Variants in ONECUT1 observed in about 807,000 individuals in gnomAD.
ONECUT1 encodes the protein one cut homeobox 1.
Under a neutral mutation model 25.6 loss-of-function variants are expected in ONECUT1, and 12 were observed. The observed-to-expected ratio is 0.47, with a 90% confidence interval of 0.30 to 0.76. The LOEUF (loss-of-function observed/expected upper bound fraction) is 0.76. ONECUT1 is among the 30% of genes least tolerant of loss of function. ONECUT1 has a pLI of 0.07. For missense variants in ONECUT1, 620 were observed against 651.2 expected, an observed-to-expected ratio of 0.95 and a Z score of 0.52; for synonymous variants, 285 against 270.2, an observed-to-expected ratio of 1.05 and a Z score of -0.54.
intron 1 of ONECUT1, among the ~76,000 whole-genome samples, chr15:52,763,934 T>C (rs2083719967): frequency 2.0e-5 from 3 of 152,340 alleles, no homozygotes; most frequent in Admixed American, 6.5e-5. Flanking sequence ...TCAGGACAGA[T>C]GGAAGTTAGA....
chr15:52,778,400 C>T (rs1193147950), intron 1 of ONECUT1, among the ~76,000 whole-genome samples: 1 of 152,180 alleles, frequency 6.6e-6, no homozygotes, highest in East Asian at 1.9e-4. Flanking sequence ...ACAGTCTTTG[C>T]ATGTCTCTAA....
At position 52,757,823 on chromosome 15, in the gene ONECUT1, T is replaced by A. The variant is rs1385358707; in HGVS notation, c.1130A>T (p.His377Leu). The A allele has an allele frequency of 3.7e-6, 6 of 1,613,580 alleles. No individual in the cohort carries two copies. Among genetic ancestry groups the A allele is most frequent in the Non-Finnish European group, 4.2e-6 (5 of 1,179,740 alleles). The stretch of plus-strand genomic sequence containing the variant: ...GGGTGTGTTGCCTCTATCCTTCCCA[T>A]GTTCTTGTTCTTTCCTTTTGCATGC... Reference protein sequence around the residue: ...LAACKRKEQEHGKDRGNTPKK... With the variant: ...LAACKRKEQELGKDRGNTPKK... The change falls in exon 2 of 2, where the codon CAT becomes CTT. Residue 377 changes from histidine to leucine, a missense_variant. Physicochemically the swap from His to Leu is moderately conservative, Grantham distance 99. Coordinates refer to ENST00000305901, the MANE Select transcript of ONECUT1 (RefSeq NM_004498.4).
chr15:52,769,800 C>T (rs528988405), intron 1 of ONECUT1, among the ~76,000 whole-genome samples: 1 of 152,302 alleles, frequency 6.6e-6, no homozygotes, highest in East Asian at 1.9e-4. Context: ...GGTGTACTGT[C>T]TGCATCCGTC....
chr15:52,762,256 T>C (rs1296239444), intron 1 of ONECUT1, among the ~76,000 whole-genome samples: 3 of 152,188 alleles, frequency 2.0e-5, no homozygotes, highest in Non-Finnish European at 4.4e-5. Context: ...TGAGCCAGCA[T>C]TTCCCAAATG....
At chr15:52,771,466 TG>T (rs2083767153) in intron 1 of ONECUT1, among the ~76,000 whole-genome samples, 1 of 151,646 alleles carries the variant, frequency 6.6e-6, no homozygotes, top group Non-Finnish European at 1.5e-5. Flanking sequence ...TGTGTGTGTG[TG>T]TGTGTCTGTG....
rs886486585 is a variant in ONECUT1 at position 52,757,439 on chromosome 15, C to T, written c.*116G>A. ...TGGTTTCTTTGGACTATAAATAACGCTTTTTTTTCTTCAAATATTTCTAAG... is the reference window on the plus strand; with the variant it reads ...TGGTTTCTTTGGACTATAAATAACGTTTTTTTTTCTTCAAATATTTCTAAG... On this transcript the variant is annotated 3_prime_UTR_variant, in exon 2 of 2. Coordinates refer to ENST00000305901, the MANE Select transcript of ONECUT1 (RefSeq NM_004498.4). 1.7e-5 allele frequency: 21 copies of T among 1,207,432 alleles called. No individual in the cohort carries two copies. The highest frequency in any genetic ancestry group is 2.4e-5 in the Non-Finnish European group (21 of 866,946). 74.8% of individuals were successfully genotyped at this position (1,207,432 alleles called of 1,614,324 possible).
rs72061188 is a variant in ONECUT1, at chr15:52,790,066, C to CGTGTGT, written c.-188_-183dup. The CGTGTGT allele has an allele frequency of 2.0e-4, 141 of 697,554 alleles. No individual in the cohort carries two copies. The highest frequency in any genetic ancestry group is 2.0e-4 in the Non-Finnish European group (99 of 501,286). The allele number at this position is 697,554 out of a possible 1,614,324, so 43.2% of individuals were successfully genotyped here. Reference sequence around the variant, plus strand: ...GTGTGTGTGTCCGTGTGTGCGTGTGCGTGTGTGTGTGTGTGTGTGTCTCGC... The same window carrying CGTGTGT: ...GTGTGTGTGTCCGTGTGTGCGTGTGCGTGTGTGTGTGTGTGTGTGTGTGTGTCTCGC... On this transcript the variant is annotated 5_prime_UTR_variant, in exon 1 of 2. Transcript: ENST00000305901.
intron 1 of ONECUT1, among the ~76,000 whole-genome samples, chr15:52,767,583 C>T (rs918577902): frequency 2.6e-5 from 4 of 152,298 alleles, no homozygotes; most frequent in African/African-American, 9.6e-5. Flanking sequence ...GAAGCTCTCC[C>T]CCTGTACTGC....
At chr15:52,759,126 G>A (rs1253534582) in intron 1 of ONECUT1, among the ~76,000 whole-genome samples, 1 of 152,168 alleles carries the variant, frequency 6.6e-6, no homozygotes, top group Non-Finnish European at 1.5e-5. Context: ...GAAGATGGAC[G>A]GGGCATGCTT....
At chr15:52,764,887 A>T (rs1254008230) in intron 1 of ONECUT1, among the ~76,000 whole-genome samples, 1 of 152,192 alleles carries the variant, frequency 6.6e-6, no homozygotes, top group African/African-American at 2.4e-5. Context: ...TCTTGCCTGG[A>T]TTTAGAAGAG....
Position 52,770,385 on chromosome 15 carries a change from A to G in ONECUT1, c.1106-12538T>C, listed in dbSNP as rs558128827. 1.2e-4 allele frequency among the ~76,000 whole-genome samples: 18 copies of G among 152,380 alleles called. No individual in the cohort carries two copies. The South Asian group carries it at 2.9e-3, about 25-fold the overall frequency. Reference sequence around the variant, plus strand: ...CACTCCTCTAAATCAGTCTTCTCAAACTTAAATCACCTGGACATCTTGTTA... The same window carrying G: ...CACTCCTCTAAATCAGTCTTCTCAAGCTTAAATCACCTGGACATCTTGTTA... On this transcript the variant is annotated intron_variant, in intron 1 of 1. Transcript: ENST00000305901.
chr15:52,765,833 C>T (rs28457085), intron 1 of ONECUT1, among the ~76,000 whole-genome samples: 3,482 of 152,300 alleles, frequency 0.023, 136 homozygotes, highest in African/African-American at 0.08. Flanking sequence ...TAAAGGAGCT[C>T]TTAAGTGGCA....
intron 1 of ONECUT1, among the ~76,000 whole-genome samples, chr15:52,780,342 C>A (rs2083832536): frequency 1.3e-5 from 2 of 152,174 alleles, no homozygotes; most frequent in South Asian, 4.1e-4. Context: ...ATCAGCACTT[C>A]CCCCTTTTAA....
intron 1 of ONECUT1, among the ~76,000 whole-genome samples, chr15:52,775,470 C>T (rs1416178375): frequency 6.6e-6 from 1 of 151,464 alleles, no homozygotes; most frequent in Non-Finnish European, 1.5e-5. Flanking sequence ...CACACACACA[C>T]ACACACACAC....
intron 1 of ONECUT1, among the ~76,000 whole-genome samples, chr15:52,764,477 C>T (rs1415163823): frequency 6.6e-6 from 1 of 152,186 alleles, no homozygotes; most frequent in Non-Finnish European, 1.5e-5. Flanking sequence ...AGGTGAAGGA[C>T]TTGGTCAAGA....
At position 52,789,453 on chromosome 15, in the gene ONECUT1, G is replaced by T; in HGVS notation, c.432C>A (p.Asn144Lys). 2.5e-6 allele frequency: 4 copies of T among 1,613,768 alleles called. No individual in the cohort carries two copies. The highest frequency in any genetic ancestry group is 3.4e-6 in the Non-Finnish European group (4 of 1,179,994). Residue 144 changes from asparagine to lysine, a missense_variant, in exon 1 of 2, where the codon AAC becomes AAA. Around this residue, in one of 4 missense-constraint regions of ONECUT1, gnomAD observed 440 missense variants for 404.9 expected, o/e 1.09. Coordinates refer to ENST00000305901, the MANE Select transcript of ONECUT1 (RefSeq NM_004498.4). This position sits in a 1 kb window ranked among gnomAD's most constrained non-coding sequence, Gnocchi z 4.1. The stretch of plus-strand genomic sequence containing the variant: ...GCATGAGCGTGAAGCTACCGCTCAC[G>T]TTGCCCGCCAGGCGCTGGTGGTGGT... ...HPHHHQRLAG[N>K]VSGSFTLMRD... is the part of the protein sequence containing the mutation.
chr15:52,789,384 G>A lies in ONECUT1; in HGVS notation c.501C>T (p.Pro167=). Residue 167 remains proline (P), a synonymous_variant, in exon 1 of 2, where the codon CCC becomes CCT. Coordinates refer to ENST00000305901, the MANE Select transcript of ONECUT1 (RefSeq NM_004498.4). This position sits in a 1 kb window ranked among gnomAD's most constrained non-coding sequence, Gnocchi z 4.1. ...GLASMNNLYT[P]YHKDVAGMGQ... ...CCATGCCGGCCACGTCCTTGTGGTA[G>A]GGGGTATAGAGGTTATTCATGGAGG... The A allele has an allele frequency of 6.2e-7, 1 of 1,612,466 alleles. No homozygotes were observed. Among genetic ancestry groups the A allele is most frequent in the South Asian group, 1.1e-5 (1 of 90,878 alleles).
At position 52,788,770 on chromosome 15, in the gene ONECUT1, G is replaced by A. The variant is rs1377559900; in HGVS notation, c.1105+10C>T. The stretch of plus-strand genomic sequence containing the variant: ...TATCTCCCGCGCGCCCAGCTCCTTG[G>A]CCGGCTCACCTGCTAAGCGGAGCGC... On this transcript the variant is annotated intron_variant, in intron 1 of 1. Transcript: ENST00000305901. The surrounding 1 kb of genome is among the most constrained non-coding windows in gnomAD (Gnocchi z 4.3). 1.2e-6 allele frequency: 2 copies of A among 1,600,958 alleles called. No homozygotes were observed. The highest frequency in any genetic ancestry group is 2.2e-5 in the South Asian group (2 of 89,796).
At chr15:52,781,388 T>C (rs1351360166) in intron 1 of ONECUT1, among the ~76,000 whole-genome samples, 2 of 152,250 alleles carry the variant, frequency 1.3e-5, no homozygotes, top group Admixed American at 1.3e-4. Context: ...TTTTCATAAG[T>C]GACTCTTTTT....
Sources: gnomAD v4.1 joint callset for allele counts (sites outside exome capture counted in the v4.1 genomes callset) on GRCh38, gnomAD v4.1.1 for gene constraint, gnomAD v4.1.1 regional missense constraint, Gnocchi (gnomAD v3.1) non-coding constraint, MANE v1.5 for transcripts, NCBI Gene and HGNC (gene_info 2026-07-23, HGNC 2026-07-21) for gene names.